HSPBAP1: variants seen among roughly 807,000 people sequenced by gnomAD.
The protein encoded by HSPBAP1 is HSPB1 associated protein 1, also known as HSPB1-associated protein 1.
HSPBAP1 carries 27 observed loss-of-function variants against 45.2 expected under a neutral mutation model. That is an observed-to-expected ratio of 0.60 (90% CI 0.44 to 0.82). The LOEUF is 0.82. Ranked by LOEUF, HSPBAP1 falls within the 40% of genes least tolerant of loss-of-function variation. The pLI, the probability that HSPBAP1 is intolerant of heterozygous loss-of-function variation, is 0.00. For missense variants in HSPBAP1, 510 were observed against 590.9 expected (o/e 0.86, Z 1.42); for synonymous variants, 204 against 202.7 (o/e 1.01, Z -0.06).
chr3:122,764,897 T>C (rs907988381), intron 3 of HSPBAP1, among the ~76,000 whole-genome samples: 2 of 152,232 alleles, frequency 1.3e-5, no homozygotes, highest in Non-Finnish European at 2.9e-5. Context: ...GATATTGTGA[T>C]TTGAATTGGC....
intron 4 of HSPBAP1, among the ~76,000 whole-genome samples, chr3:122,756,290 C>T (rs956586690): frequency 1.3e-5 from 2 of 151,984 alleles, no homozygotes; most frequent in Non-Finnish European, 2.9e-5. Context: ...CAAGAAACAG[C>T]GGCTGCTGTT....
intron 3 of HSPBAP1, among the ~76,000 whole-genome samples, chr3:122,767,653 G>A (rs1442085152): frequency 6.6e-6 from 1 of 152,094 alleles, no homozygotes; most frequent in Non-Finnish European, 1.5e-5. Flanking sequence ...ATTAAGCCAG[G>A]CGCAGTGGCA....
chr3:122,783,778 C>A (rs1423015175), intron 1 of HSPBAP1, among the ~76,000 whole-genome samples: 3 of 151,676 alleles, frequency 2.0e-5, no homozygotes, highest in African/African-American at 7.3e-5. Context: ...CCTTTATTAC[C>A]CATCTTTGGT....
At chr3:122,793,119 A>C (rs1935887128) in intron 1 of HSPBAP1, among the ~76,000 whole-genome samples, 1 of 152,186 alleles carries the variant, frequency 6.6e-6, no homozygotes, top group South Asian at 2.1e-4. Context: ...TTCAGAACAC[A>C]GCCCTGCACG....
chr3:122,792,484 A>G (rs1935862455), intron 1 of HSPBAP1, among the ~76,000 whole-genome samples: 1 of 152,154 alleles, frequency 6.6e-6, no homozygotes, highest in South Asian at 2.1e-4. Flanking sequence ...GTCAGATAGT[A>G]GGAGGCTATA....
At position 122,740,562 on chromosome 3, in the gene HSPBAP1, A is replaced by T; in HGVS notation, c.1250T>A (p.Phe417Tyr). The T allele has an allele frequency of 6.2e-7, 1 of 1,614,156 alleles. No individual in the cohort carries two copies. Among genetic ancestry groups the T allele is most frequent in the Non-Finnish European group, 8.5e-7 (1 of 1,180,020 alleles). ...AAAGTGTTCTCCATCCTTGTCCACA[A>T]AGTCTTTCCCATCACTTCCAAATAT... The part of the protein sequence containing the change: ...GGIFGSDGKD[F>Y]VDKDGEHFGK... Residue 417 changes from phenylalanine to tyrosine, a missense_variant, in exon 8 of 8, where the codon TTT becomes TAT. Transcript: ENST00000306103.
intron 6 of HSPBAP1, among the ~76,000 whole-genome samples, chr3:122,744,636 TGAA>T (rs1203690704): frequency 1.3e-5 from 2 of 152,230 alleles, no homozygotes; most frequent in African/African-American, 4.8e-5. Context: ...GAAATCAGCA[TGAA>T]GTTCTTAGCT....
intron 2 of HSPBAP1, among the ~76,000 whole-genome samples, chr3:122,770,973 C>T (rs750281573): frequency 2.0e-5 from 3 of 152,366 alleles, no homozygotes; most frequent in Admixed American, 1.3e-4. Context: ...GCCCCTGGGG[C>T]GGACTAAGCA....
intron 1 of HSPBAP1, among the ~76,000 whole-genome samples, chr3:122,781,557 C>T (rs932395935): frequency 6.6e-6 from 1 of 152,026 alleles, no homozygotes; most frequent in African/African-American, 2.4e-5. Flanking sequence ...AGAGGGAGAC[C>T]GTGGGGAGAC....
chr3:122,759,190 C>CACAA (rs762820480), intron 4 of HSPBAP1, 34 bp downstream of exon 4: 12 of 1,522,652 alleles, frequency 7.9e-6, no homozygotes, highest in Admixed American at 5.8e-5. Context: ...GCGTTCCACA[C>CACAA]ACACACACAC....
Position 122,790,958 on chromosome 3 carries a change from C to T in HSPBAP1, c.64+2659G>A, listed in dbSNP as rs111244365. On this transcript the variant is annotated intron_variant, in intron 1 of 7. Coordinates refer to ENST00000306103, the MANE Select transcript of HSPBAP1 (RefSeq NM_024610.6). ...TTTTTCTCATTCTCTTACATAACAT[C>T]TCTAATTTCTTTTCTTTCAGTTTCA... Among the ~76,000 whole-genome samples, 548 of 152,282 alleles carry T rather than the reference C, an allele frequency of 3.6e-3. 4 individuals carry two copies. Among genetic ancestry groups the T allele is most frequent in the African/African-American group, 0.011 (473 of 41,570 alleles).
At chr3:122,779,344 T>A (rs1331354410) in intron 1 of HSPBAP1, among the ~76,000 whole-genome samples, 1 of 151,620 alleles carries the variant, frequency 6.6e-6, no homozygotes, top group African/African-American at 2.4e-5. Flanking sequence ...CCCGGCCACA[T>A]AGATTTCATT....
At chr3:122,769,840 T>C (rs1375760110) in intron 2 of HSPBAP1, among the ~76,000 whole-genome samples, 1 of 152,206 alleles carries the variant, frequency 6.6e-6, no homozygotes, top group Non-Finnish European at 1.5e-5. Context: ...CCACCACGTC[T>C]GGCTAATTTT....
At chr3:122,762,271 C>CA (rs1333029310) in intron 3 of HSPBAP1, among the ~76,000 whole-genome samples, 3 of 145,588 alleles carry the variant, frequency 2.1e-5, no homozygotes, top group Non-Finnish European at 4.6e-5. Flanking sequence ...TCTCCTTTAT[C>CA]TTTTTTTTTT....
intron 3 of HSPBAP1, among the ~76,000 whole-genome samples, chr3:122,766,597 G>C (rs1213207900): frequency 6.6e-6 from 1 of 152,180 alleles, no homozygotes. Flanking sequence ...GCCTTGCCTG[G>C]GGTGGGACAG....
At chr3:122,780,419 C>T (rs1229445765) in intron 1 of HSPBAP1, among the ~76,000 whole-genome samples, 2 of 125,266 alleles carry the variant, frequency 1.6e-5, no homozygotes, top group Admixed American at 1.6e-4. Flanking sequence ...GGCGGCTGGC[C>T]GGGCAGAGGG....
chr3:122,774,921 A>G (rs1027288448), intron 2 of HSPBAP1, among the ~76,000 whole-genome samples: 2 of 152,250 alleles, frequency 1.3e-5, no homozygotes, highest in African/African-American at 4.8e-5. Flanking sequence ...CCTTCTAGGT[A>G]TCAATCCTAA....
intron 2 of HSPBAP1, among the ~76,000 whole-genome samples, chr3:122,774,029 G>A (rs1463611022): frequency 6.6e-6 from 1 of 152,180 alleles, no homozygotes; most frequent in East Asian, 1.9e-4. Flanking sequence ...AATAGAAACC[G>A]CCTTCGTGCA....
Position 122,777,752 on chromosome 3 carries a change from T to C in HSPBAP1, c.219A>G (p.Arg73=), listed in dbSNP as rs958594792. The C allele has an allele frequency of 1.2e-6, 2 of 1,613,912 alleles. No individual in the cohort carries two copies. The highest frequency in any genetic ancestry group is 2.2e-5 in the East Asian group (1 of 44,872). Residue 73 remains arginine, a synonymous_variant, in exon 2 of 8, where the codon CGA becomes CGG. Coordinates refer to ENST00000306103, the MANE Select transcript of HSPBAP1 (RefSeq NM_024610.6). ...TCATGCTTTTCATCCCCATTCTGAA[T>C]CGTATCTGCTTGCCATGAAGGACCT... The part of the protein sequence containing the change: ...LSQVLHGKQI[R]FRMGMKSMST...
Sources: gnomAD v4.1 joint callset for allele counts (sites outside exome capture counted in the v4.1 genomes callset) on GRCh38, gnomAD v4.1.1 for gene constraint, MANE v1.5 for transcripts, NCBI Gene and HGNC (gene_info 2026-07-23, HGNC 2026-07-21) for gene names.